RIT2: variants seen among roughly 807,000 people sequenced by gnomAD.
RIT2 encodes GTP-binding protein Rit2.
RIT2 carries 24 observed loss-of-function variants against 23.7 expected under a neutral mutation model. The observed-to-expected ratio is 1.01, with a 90% CI of 0.73 to 1.43. RIT2 has a LOEUF of 1.43. Among genes scored for constraint, RIT2 ranks in the 40% most tolerant of loss-of-function variants. RIT2 has a pLI of 0.00. For synonymous variants in RIT2, 107 were observed against 91.1 expected, an observed-to-expected ratio of 1.17 and a Z score of -0.99; for missense variants, 236 against 266.9, an observed-to-expected ratio of 0.88 and a Z score of 0.81.
chr18:43,055,458 C>T (rs1912479131), intron 1 of RIT2, among the ~76,000 whole-genome samples: 1 of 152,090 alleles, frequency 6.6e-6, no homozygotes, highest in East Asian at 1.9e-4. Flanking sequence ...AATCTCTCAA[C>T]TTCAAGTATA....
chr18:43,109,489 A>G (rs1276494979), intron 1 of RIT2, among the ~76,000 whole-genome samples: 4 of 152,146 alleles, frequency 2.6e-5, no homozygotes, highest in Non-Finnish European at 5.9e-5. Flanking sequence ...TACACTGTTT[A>G]TGTTCAATTC....
At chr18:42,925,899 T>C (rs1909168906) in intron 3 of RIT2, among the ~76,000 whole-genome samples, 1 of 151,752 alleles carries the variant, frequency 6.6e-6, no homozygotes, top group South Asian at 2.1e-4. Flanking sequence ...ATATAAATAT[T>C]GCTTATTCTT....
chr18:42,824,302 T>C (rs1906234810), intron 4 of RIT2, among the ~76,000 whole-genome samples: 1 of 152,072 alleles, frequency 6.6e-6, no homozygotes, highest in Non-Finnish European at 1.5e-5. Flanking sequence ...AAGGGGAAGG[T>C]TGTAACTGAC....
At chr18:42,785,903 C>G (rs1310088395) in intron 4 of RIT2, among the ~76,000 whole-genome samples, 1 of 152,134 alleles carries the variant, frequency 6.6e-6, no homozygotes, top group Non-Finnish European at 1.5e-5. Flanking sequence ...AATCTGTACA[C>G]AGTTTATCCT....
chr18:42,992,118 T>C (rs1284849758), intron 2 of RIT2, among the ~76,000 whole-genome samples: 12 of 145,158 alleles, frequency 8.3e-5, no homozygotes, highest in Non-Finnish European at 3.0e-5. Context: ...TAAACTTGCC[T>C]CCTTCACTAT....
intron 4 of RIT2, among the ~76,000 whole-genome samples, chr18:42,751,966 T>C (rs1913056346): frequency 6.6e-6 from 1 of 152,088 alleles, no homozygotes; most frequent in East Asian, 1.9e-4. Flanking sequence ...AAATTTCACC[T>C]CATACGAATA....
chr18:43,026,652 GGCT>G (rs1324893750), intron 2 of RIT2, among the ~76,000 whole-genome samples: 3 of 149,398 alleles, frequency 2.0e-5, no homozygotes, highest in Non-Finnish European at 4.4e-5. Flanking sequence ...AAGAAGGAAA[GGCT>G]GTAGATGAAA....
chr18:42,932,883 C>A (rs674716), intron 3 of RIT2, among the ~76,000 whole-genome samples: 132,130 of 152,000 alleles, frequency 0.87, 57,907 homozygotes, highest in East Asian at 1. Context: ...CTAACAAACC[C>A]AGCCTTTATT....
intron 2 of RIT2, among the ~76,000 whole-genome samples, chr18:43,011,157 A>G (rs1239209707): frequency 2.0e-5 from 3 of 151,866 alleles, no homozygotes; most frequent in African/African-American, 4.8e-5. Flanking sequence ...TTCTGGGCAG[A>G]TAAAGCAACT....
chr18:43,071,365 G>A (rs1317205514), intron 1 of RIT2, among the ~76,000 whole-genome samples: 8 of 152,150 alleles, frequency 5.3e-5, no homozygotes, highest in Admixed American at 1.3e-4. Context: ...CTCAACTGGC[G>A]ATGGAGTTGG....
At chr18:43,016,738 T>A (rs1911484687) in intron 2 of RIT2, among the ~76,000 whole-genome samples, 1 of 151,904 alleles carries the variant, frequency 6.6e-6, no homozygotes, top group African/African-American at 2.4e-5. Context: ...ACATATTCAA[T>A]TTGATTATTT....
chr18:42,837,164 T>C (rs1279809969), intron 4 of RIT2, among the ~76,000 whole-genome samples: 15 of 96,574 alleles, frequency 1.6e-4, no homozygotes, highest in Non-Finnish European at 1.9e-4. Flanking sequence ...TTTTTTTTTT[T>C]TTTTTTTTTT....
chr18:42,750,802 C>T (rs1913028395), intron 4 of RIT2, among the ~76,000 whole-genome samples: 3 of 149,940 alleles, frequency 2.0e-5, no homozygotes, highest in South Asian at 2.1e-4. Flanking sequence ...TTCAAATTAG[C>T]GTATAATTTC....
At chr18:42,993,306 C>A (rs1329432756) in intron 2 of RIT2, among the ~76,000 whole-genome samples, 1 of 152,214 alleles carries the variant, frequency 6.6e-6, no homozygotes, top group Non-Finnish European at 1.5e-5. Context: ...CCAAGCCTCT[C>A]TGATTGACTC....
At chr18:42,837,356 A>T (rs1906643758) in intron 4 of RIT2, among the ~76,000 whole-genome samples, 1 of 150,976 alleles carries the variant, frequency 6.6e-6, no homozygotes, top group Non-Finnish European at 1.5e-5. Flanking sequence ...TTTAGTAGAG[A>T]TGAGGTTTCA....
intron 3 of RIT2, among the ~76,000 whole-genome samples, chr18:42,941,843 A>G (rs1461551725): frequency 6.6e-6 from 1 of 152,172 alleles, no homozygotes; most frequent in East Asian, 1.9e-4. Context: ...GAACAACCCT[A>G]TAATGAAGAG....
intron 3 of RIT2, among the ~76,000 whole-genome samples, chr18:42,962,573 C>T (rs1309932950): frequency 1.3e-5 from 2 of 152,138 alleles, no homozygotes; most frequent in African/African-American, 2.4e-5. Flanking sequence ...TTTATCTGAG[C>T]AGGCTTTGAG....
chr18:42,918,494 T>C (rs1192112709), intron 4 of RIT2, among the ~76,000 whole-genome samples: 1 of 152,166 alleles, frequency 6.6e-6, no homozygotes, highest in African/African-American at 2.4e-5. Flanking sequence ...CCTTTTTTTC[T>C]CTTCAAAAAA....
At chr18:42,775,615 T>C (rs1913650686) in intron 4 of RIT2, among the ~76,000 whole-genome samples, 1 of 152,002 alleles carries the variant, frequency 6.6e-6, no homozygotes, top group Non-Finnish European at 1.5e-5. Flanking sequence ...GAGAATGGCG[T>C]GAACCCGGGA....
Sources: gnomAD v4.1 joint callset for allele counts (sites outside exome capture counted in the v4.1 genomes callset) on GRCh38, gnomAD v4.1.1 for gene constraint, MANE v1.5 for transcripts, NCBI Gene and HGNC (gene_info 2026-07-23, HGNC 2026-07-21) for gene names.